The following GLB1L2 variants were observed in gnomAD, a reference collection of about 807,000 sequenced individuals.
GLB1L2 encodes beta-galactosidase-1-like protein 2.
Under a neutral mutation model 84.1 loss-of-function variants are expected in GLB1L2, and 68 were observed. The observed-to-expected ratio is 0.81, with a 90% CI of 0.67 to 0.99. GLB1L2 has a LOEUF of 0.99. Among genes scored for constraint, GLB1L2 ranks in the 50% least tolerant of loss-of-function variants. GLB1L2 has a pLI of 0.00. For missense variants in GLB1L2, 762 were observed against 805.6 expected (o/e 0.95, Z 0.66); for synonymous variants, 290 against 318.0 (o/e 0.91, Z 0.94).
At chr11:134,362,547 C>T (rs1344072354) in intron 7 of GLB1L2, among the ~76,000 whole-genome samples, 2 of 152,234 alleles carry the variant, frequency 1.3e-5, no homozygotes, top group African/African-American at 4.8e-5. Context: ...AAGGGACACT[C>T]ACTTGTCGGA....
intron 1 of GLB1L2, among the ~76,000 whole-genome samples, chr11:134,342,063 G>T (rs1943471265): frequency 6.6e-6 from 1 of 151,580 alleles, no homozygotes; most frequent in Admixed American, 6.6e-5. Flanking sequence ...CTTCTCGCAC[G>T]GCTTTCGGGA....
intron 3 of GLB1L2, 93 bp downstream of exon 3, chr11:134,344,548 G>C (rs1471123306): frequency 7.1e-7 from 1 of 1,418,378 alleles, no homozygotes; most frequent in Admixed American, 1.7e-5. Context: ...ACCAGGGAGG[G>C]ACGTGGGTCT....
chr11:134,365,473 G>A (rs561078117), intron 8 of GLB1L2, among the ~76,000 whole-genome samples: 13 of 152,294 alleles, frequency 8.5e-5, no homozygotes, highest in Admixed American at 5.9e-4. Flanking sequence ...TGTGACCTTG[G>A]GCAAGTTACT....
rs1943302305 is a variant in GLB1L2 at position 134,332,069 on chromosome 11, C to T, written c.8C>T (p.Thr3Met). ...GCGCTTAGAGAACACGCGATGACCACGTGGAGCCTCCGGCGGAGGCCGGCC... is the reference window on the plus strand; with the variant it reads ...GCGCTTAGAGAACACGCGATGACCATGTGGAGCCTCCGGCGGAGGCCGGCC... MT[T>M]WSLRRRPART... The change falls in exon 1 of 19, where the codon ACG becomes ATG. Residue 3 changes from threonine to methionine, a missense_variant. By Grantham distance (81) the Thr-to-Met change is moderately conservative. Coordinates refer to ENST00000535456, the MANE Select transcript of GLB1L2 (RefSeq NM_001370461.1). 1.3e-6 allele frequency: 2 copies of T among 1,579,294 alleles called. No individual in the cohort carries two copies. Among genetic ancestry groups the T allele is most frequent in the Non-Finnish European group, 1.7e-6 (2 of 1,164,486 alleles).
At chr11:134,358,536 A>G (rs1040528766) in intron 6 of GLB1L2, among the ~76,000 whole-genome samples, 8 of 152,388 alleles carry the variant, frequency 5.2e-5, no homozygotes, top group African/African-American at 1.9e-4. Flanking sequence ...TGTTCTGGGC[A>G]TGGGCAGTGC....
At chr11:134,350,679 G>A (rs896471523) in intron 5 of GLB1L2, among the ~76,000 whole-genome samples, 12 of 152,156 alleles carry the variant, frequency 7.9e-5, no homozygotes, top group Admixed American at 1.3e-4. Flanking sequence ...ACGGATGAAC[G>A]GTGCAGCCTT....
At chr11:134,360,666 T>C (rs893960925) in intron 7 of GLB1L2, 3 of 152,098 alleles carry the variant, frequency 2.0e-5, no homozygotes, top group African/African-American at 7.2e-5. Context: ...ACTTCTTTTT[T>C]TTTTTTTTAA....
Position 134,359,147 on chromosome 11 carries a change from T to C in GLB1L2, c.733+6T>C. The stretch of plus-strand genomic sequence containing the variant: ...CAAGGGGATTGTCCAGGGAGGTAAC[T>C]GCACTTGTGTTGGGCCGTGGGGGCT... On this transcript the variant is annotated splice_donor_region_variant and intron_variant, in intron 7 of 18. Transcript: ENST00000535456. 6.3e-7 allele frequency: 1 copy of C among 1,590,922 alleles called. No homozygotes were observed. The highest frequency in any genetic ancestry group is 8.6e-7 in the Non-Finnish European group (1 of 1,167,876).
At chr11:134,359,199 C>T (rs561963338) in intron 7 of GLB1L2, 58 bp downstream of exon 7, 45 of 1,253,166 alleles carry the variant, frequency 3.6e-5, no homozygotes, top group African/African-American at 2.0e-4. Context: ...TGGCTGTGCA[C>T]GCTCCCGCTG....
chr11:134,342,190 T>G (rs71489003), intron 1 of GLB1L2, among the ~76,000 whole-genome samples: 1 of 151,734 alleles, frequency 6.6e-6, no homozygotes, highest in Non-Finnish European at 1.5e-5. Context: ...ACCGGAGCCT[T>G]CGACGGCCTT....
chr11:134,373,266 G>A (rs1470785405), intron 15 of GLB1L2, among the ~76,000 whole-genome samples: 1 of 152,126 alleles, frequency 6.6e-6, no homozygotes, highest in East Asian at 1.9e-4. Flanking sequence ...CCCGAGGGAG[G>A]GTGCCATCTG....
rs756691000 is a variant in GLB1L2, at chr11:134,371,759, C to A, written c.1436C>A (p.Thr479Asn). Residue 479 changes from threonine to asparagine, a missense_variant, in exon 15 of 19, where the codon ACC (threonine) becomes AAC (asparagine). Transcript: ENST00000535456. ...KIAVPLIQGY[T>N]VLRILVENRG... ...GCCCCGTGTTCCCGGCAGGGTTACACCGTGCTGAGGATCTTGGTGGAGAAT... is the reference window on the plus strand; with the variant it reads ...GCCCCGTGTTCCCGGCAGGGTTACAACGTGCTGAGGATCTTGGTGGAGAAT... The A allele has an allele frequency of 6.2e-7, 1 of 1,614,104 alleles. No homozygotes were observed. The highest frequency in any genetic ancestry group is 8.5e-7 in the Non-Finnish European group (1 of 1,180,018).
At chr11:134,353,441 T>C (rs1235847653) in intron 5 of GLB1L2, among the ~76,000 whole-genome samples, 2 of 152,064 alleles carry the variant, frequency 1.3e-5, no homozygotes, top group South Asian at 2.1e-4. Flanking sequence ...TTAAGGCTTG[T>C]TTTTTTGGCT....
At chr11:134,355,915 TGAGG>T in intron 5 of GLB1L2, 2 of 433,994 alleles carry the variant, frequency 4.6e-6, no homozygotes, top group South Asian at 3.4e-5. Context: ...TTCTTCCCCA[TGAGG>T]GAGCGGGGAG....
intron 1 of GLB1L2, among the ~76,000 whole-genome samples, chr11:134,337,525 C>G (rs1943404274): frequency 6.6e-6 from 1 of 152,190 alleles, no homozygotes; most frequent in Admixed American, 6.5e-5. Flanking sequence ...CTTCTTCAGG[C>G]CCTCAAATTC....
chr11:134,332,175 C>T (rs1355094207), intron 1 of GLB1L2, 28 bp downstream of exon 1: 8 of 1,450,272 alleles, frequency 5.5e-6, no homozygotes, highest in Non-Finnish European at 7.5e-6. Context: ...GCAGCACCTG[C>T]CGGACCCCAC....
At chr11:134,357,890 A>G (rs1943726077) in intron 6 of GLB1L2, among the ~76,000 whole-genome samples, 1 of 152,206 alleles carries the variant, frequency 6.6e-6, no homozygotes, top group Admixed American at 6.5e-5. Flanking sequence ...GAGTCGGTAA[A>G]TGAATGCCCA....
intron 18 of GLB1L2, 48 bp downstream of exon 18, chr11:134,374,766 T>C: frequency 6.7e-7 from 1 of 1,484,684 alleles, no homozygotes; most frequent in Non-Finnish European, 9.4e-7. Context: ...CCTGCCCACC[T>C]GCCGTCCCAG....
intron 9 of GLB1L2, among the ~76,000 whole-genome samples, chr11:134,368,138 CATT>C (rs1303634844): frequency 6.6e-6 from 1 of 152,204 alleles, no homozygotes; most frequent in Admixed American, 6.5e-5. Flanking sequence ...CTCAGTACAT[CATT>C]GTTTAGTCTG....
Sources: gnomAD v4.1 joint callset for allele counts (sites outside exome capture counted in the v4.1 genomes callset) on GRCh38, gnomAD v4.1.1 for gene constraint, MANE v1.5 for transcripts, NCBI Gene and HGNC (gene_info 2026-07-23, HGNC 2026-07-21) for gene names.